APP: variants seen among roughly 807,000 people sequenced by gnomAD.
APP encodes amyloid-beta precursor protein.
Under a neutral mutation model 101.4 loss-of-function variants are expected in APP, and 31 were observed. The ratio of observed to expected loss-of-function variants is 0.31; its 90% CI spans 0.23 to 0.41. The LOEUF is 0.41. APP is among the 10% of genes least tolerant of loss of function. The probability of loss-of-function intolerance (pLI) is 1.00; values close to 1 mark genes in which losing one functional copy is unlikely to be tolerated. For missense variants in APP, 839 were observed against 1,003.7 expected, an observed-to-expected ratio of 0.84 and a Z score of 2.22; for synonymous variants, 366 against 364.4, an observed-to-expected ratio of 1.00 and a Z score of -0.05.
At chr21:26,101,163 G>A (rs1477642502) in intron 2 of APP, among the ~76,000 whole-genome samples, 2 of 135,250 alleles carry the variant, frequency 1.5e-5, no homozygotes, top group Non-Finnish European at 3.1e-5. Flanking sequence ...GCAGTGGCGT[G>A]ATCTCGGCCC....
intron 2 of APP, among the ~76,000 whole-genome samples, chr21:26,091,989 A>T (rs1466626384): frequency 6.6e-6 from 1 of 152,128 alleles, no homozygotes; most frequent in Non-Finnish European, 1.5e-5. Flanking sequence ...GGGCTTGACA[A>T]ATCTAAATTA....
chr21:25,957,244 A>G (rs2041360590), intron 11 of APP, among the ~76,000 whole-genome samples: 1 of 152,226 alleles, frequency 6.6e-6, no homozygotes, highest in African/African-American at 2.4e-5. Flanking sequence ...AATCTGGTTG[A>G]ATTTACAAAT....
At chr21:25,930,858 C>T (rs1026066735) in intron 13 of APP, among the ~76,000 whole-genome samples, 7 of 152,136 alleles carry the variant, frequency 4.6e-5, no homozygotes, top group African/African-American at 1.7e-4. Flanking sequence ...TCTTTAACAA[C>T]GTGTGGGGAA....
At chr21:26,115,595 A>T (rs1008462104) in intron 1 of APP, among the ~76,000 whole-genome samples, 1 of 152,230 alleles carries the variant, frequency 6.6e-6, no homozygotes, top group Non-Finnish European at 1.5e-5. Flanking sequence ...GGCCACATTA[A>T]ACATTGCCAT....
At chr21:26,119,628 T>C (rs1320666777) in intron 1 of APP, among the ~76,000 whole-genome samples, 3 of 152,232 alleles carry the variant, frequency 2.0e-5, no homozygotes, top group South Asian at 4.1e-4. Flanking sequence ...CATATACACA[T>C]GTATATATAC....
At chr21:25,918,523 T>C (rs372837867) in intron 13 of APP, among the ~76,000 whole-genome samples, 21 of 151,856 alleles carry the variant, frequency 1.4e-4, no homozygotes, top group East Asian at 5.8e-4. Flanking sequence ...AGTGGGTGCG[T>C]GCACCGTGCG....
At chr21:26,045,978 A>C (rs146932917) in intron 5 of APP, among the ~76,000 whole-genome samples, 1 of 152,060 alleles carries the variant, frequency 6.6e-6, no homozygotes, top group Non-Finnish European at 1.5e-5. Context: ...CATGTCTTAC[A>C]TGTATGGCAG....
chr21:26,150,238 G>T (rs186231659), intron 1 of APP, among the ~76,000 whole-genome samples: 6 of 152,230 alleles, frequency 3.9e-5, no homozygotes, highest in South Asian at 2.1e-4. Flanking sequence ...GCTTCCAGGG[G>T]AAGTGTGGTA....
intron 14 of APP, among the ~76,000 whole-genome samples, chr21:25,911,306 G>A (rs961589791): frequency 2.5e-4 from 38 of 152,214 alleles, no homozygotes; most frequent in African/African-American, 8.4e-4. Flanking sequence ...TCCTTGTGAA[G>A]AACTGCCTCT....
chr21:25,917,893 C>T (rs1201319090), intron 13 of APP, among the ~76,000 whole-genome samples: 1 of 149,012 alleles, frequency 6.7e-6, no homozygotes, highest in African/African-American at 2.5e-5. Context: ...CAAAACAAGA[C>T]ATGTATGTGG....
At position 25,911,912 on chromosome 21, in the gene APP, T is replaced by C. The variant is rs533667466; in HGVS notation, c.1738A>G (p.Met580Val). 3.7e-6 allele frequency: 6 copies of C among 1,614,224 alleles called. No individual in the cohort carries two copies. In the South Asian group the frequency reaches 6.6e-5, roughly 18 times the overall value. Residue 580 changes from methionine (M) to valine (V), a missense_variant, in exon 14 of 18, where the codon ATG becomes GTG. By Grantham distance (21) the Met-to-Val change is conservative (BLOSUM62 1). Coordinates refer to ENST00000346798, the MANE Select transcript of APP (RefSeq NM_000484.4). ...TAACTGATCCTTGGTTCACTAATCA[T>C]GTTGGCCAAGACGTCATCTGAATAG... The part of the protein sequence containing the change: ...QNYSDDVLAN[M>V]ISEPRISYGN...
intron 5 of APP, among the ~76,000 whole-genome samples, chr21:26,028,055 A>C (rs2146808035): frequency 6.6e-6 from 1 of 151,778 alleles, no homozygotes; most frequent in African/African-American, 2.4e-5. Flanking sequence ...AATTAGCTGG[A>C]CGTGGGGGTG....
At chr21:26,108,377 A>G (rs1409495459) in intron 2 of APP, among the ~76,000 whole-genome samples, 1 of 152,242 alleles carries the variant, frequency 6.6e-6, no homozygotes, top group African/African-American at 2.4e-5. Flanking sequence ...TACGGTATCT[A>G]TCTTACACTT....
Position 26,021,694 on chromosome 21 carries a change from A to C in APP, c.865+146T>G, listed in dbSNP as rs1226436001. ...AATTGTTTGCTTGTTAAACCAAAAAAATTTCACAAGCATAAGAAGCCTTTT... is the reference window on the plus strand; with the variant it reads ...AATTGTTTGCTTGTTAAACCAAAAACATTTCACAAGCATAAGAAGCCTTTT... On this transcript the variant is annotated intron_variant, in intron 6 of 17. Transcript: ENST00000346798. 5 of 1,216,504 alleles carry C rather than the reference A, an allele frequency of 4.1e-6. No individual in the cohort carries two copies. In the African/African-American group the frequency reaches 4.6e-5, roughly 11 times the overall value. The allele number at this position is 1,216,504 out of a possible 1,614,324, so 75.4% of individuals were successfully genotyped here.
At chr21:25,978,244 C>G (rs1438245918) in intron 9 of APP, among the ~76,000 whole-genome samples, 1 of 152,166 alleles carries the variant, frequency 6.6e-6, no homozygotes. Context: ...ATCACCTGCA[C>G]CATCCCACTA....
At chr21:26,045,226 C>CATTCATAACAATAA (rs1357561569) in intron 5 of APP, among the ~76,000 whole-genome samples, 231 of 151,538 alleles carry the variant, frequency 1.5e-3, no homozygotes, top group African/African-American at 5.4e-3. Context: ...TATGAGCTGT[C>CATTCATAACAATAA]AATGTTTTAA....
intron 1 of APP, among the ~76,000 whole-genome samples, chr21:26,123,469 T>C (rs2062617305): frequency 6.6e-6 from 1 of 152,232 alleles, no homozygotes; most frequent in South Asian, 2.1e-4. Context: ...CACTAAAGAA[T>C]ACTCCAGGTT....
chr21:25,983,924 T>C (rs2042540105), intron 8 of APP, among the ~76,000 whole-genome samples: 2 of 152,208 alleles, frequency 1.3e-5, no homozygotes, highest in East Asian at 3.8e-4. Flanking sequence ...TGAATCCCAT[T>C]TCTTTTTCAG....
chr21:26,018,578 A>T (rs931647514), intron 6 of APP, among the ~76,000 whole-genome samples: 1 of 152,170 alleles, frequency 6.6e-6, no homozygotes, highest in Non-Finnish European at 1.5e-5. Context: ...AGCACAAAAA[A>T]ATTATCTCGC....
Sources: allele counts gnomAD v4.1 joint callset (sites outside exome capture counted in the v4.1 genomes callset), GRCh38; gene constraint gnomAD v4.1.1; transcripts MANE v1.5; gene names NCBI Gene and HGNC (gene_info 2026-07-23, HGNC 2026-07-21).